Variants in NRDE2 observed in about 807,000 individuals in gnomAD.
The protein encoded by NRDE2 is NRDE-2, necessary for RNA interference, domain containing.
NRDE2 carries 76 observed loss-of-function variants against 124.2 expected under a neutral mutation model. The ratio of observed to expected loss-of-function variants is 0.61; its 90% confidence interval spans 0.51 to 0.74. NRDE2 has a LOEUF of 0.74. Ranked by LOEUF, NRDE2 falls within the 30% of genes least tolerant of loss-of-function variation. The probability of loss-of-function intolerance (pLI) is 0.00; values close to 1 mark genes in which losing one functional copy is unlikely to be tolerated. For synonymous variants in NRDE2, 489 were observed against 528.1 expected, an observed-to-expected ratio of 0.93 and a Z score of 1.01; for missense variants, 1,314 against 1,417.3, an observed-to-expected ratio of 0.93 and a Z score of 1.17.
At chr14:90,312,647 A>G (rs1424259734) in intron 3 of NRDE2, 104 bp from the exon 4 acceptor site, 11 of 1,075,246 alleles carry the variant, frequency 1.0e-5, no homozygotes, top group Non-Finnish European at 1.3e-5. Flanking sequence ...TTCAAACTCC[A>G]CATGGCATCA....
rs1891705368 is a variant in NRDE2, at chr14:90,272,866, T to C, written c.*5470A>G. 6.5e-6 allele frequency: 1 copy of C among 153,134 alleles called. No homozygotes were observed. Among genetic ancestry groups the C allele is most frequent in the South Asian group, 2.0e-4 (1 of 4,942 alleles). 9.5% of individuals were successfully genotyped at this position (153,134 alleles called of 1,614,324 possible). On this transcript the variant is annotated 3_prime_UTR_variant, in exon 14 of 14. Coordinates refer to ENST00000354366, the MANE Select transcript of NRDE2 (RefSeq NM_017970.4). The surrounding 1 kb of genome is among the most constrained non-coding windows in gnomAD (Gnocchi z 4.5). ...TTAAATAATAAAGGCTGCGTTAATG[T>C]GGCTATTGCTTCCAAAGGAAGTACA... is the stretch of plus-strand genomic sequence containing the variant.
rs546445224 is a variant in NRDE2 at position 90,309,108 on chromosome 14, G to A, written c.557+3286C>T. Among the ~76,000 whole-genome samples, 52 of 151,950 alleles carry A rather than the reference G, an allele frequency of 3.4e-4. 1 individual carries two copies. The highest frequency in any genetic ancestry group is 9.7e-4 in the African/African-American group (40 of 41,438). The stretch of plus-strand genomic sequence containing the variant: ...ATACAAAAATACAAAAAAACTAGCC[G>A]GGCATTTACCTTCCCAGAGTCCATG... On this transcript the variant is annotated intron_variant, in intron 4 of 13. Transcript: ENST00000354366.
At chr14:90,295,244 C>T (rs1044957685) in intron 8 of NRDE2, among the ~76,000 whole-genome samples, 3 of 152,110 alleles carry the variant, frequency 2.0e-5, no homozygotes, top group African/African-American at 7.2e-5. Context: ...CTTCTTGTGA[C>T]TCTATACTAT....
chr14:90,294,696 T>A lies in NRDE2; in HGVS notation c.1667-1824A>T, dbSNP rs140651570. Among the ~76,000 whole-genome samples, 406 of 152,184 alleles carry A rather than the reference T, an allele frequency of 2.7e-3. 1 individual carries two copies. Among genetic ancestry groups the A allele is most frequent in the Admixed American group, 6.2e-3 (95 of 15,272 alleles). On this transcript the variant is annotated intron_variant, in intron 8 of 13. Coordinates refer to ENST00000354366, the MANE Select transcript of NRDE2 (RefSeq NM_017970.4). ...CCTGGGGGGAGGGAGAAGTGAGGAA[T>A]TTGTCTTTAATGGGTACAGACTTGG...
intron 8 of NRDE2, among the ~76,000 whole-genome samples, chr14:90,294,726 G>A (rs1892362692): frequency 6.6e-6 from 1 of 152,180 alleles, no homozygotes; most frequent in Non-Finnish European, 1.5e-5. Flanking sequence ...ACTTGGGGAA[G>A]ATGAAAAAGT....
In NRDE2 at chr14:90,268,480, T is replaced by C; in HGVS notation, c.*9856A>G. On this transcript the variant is annotated 3_prime_UTR_variant, in exon 14 of 14. Transcript: ENST00000354366. Reference sequence around the variant, plus strand: ...CACCGCATAGCTCTTCTCTTGAGAATGAGCAATCTCAGGGGGCTCTCCCTA... The same window carrying C: ...CACCGCATAGCTCTTCTCTTGAGAACGAGCAATCTCAGGGGGCTCTCCCTA... 1 of 1,501,580 alleles carries C rather than the reference T, an allele frequency of 6.7e-7. No individual in the cohort carries two copies. The highest frequency in any genetic ancestry group is 9.2e-7 in the Non-Finnish European group (1 of 1,090,154). The allele number at this position is 1,501,580 out of a possible 1,614,324, so 93.0% of individuals were successfully genotyped here.
intron 4 of NRDE2, among the ~76,000 whole-genome samples, chr14:90,304,988 TC>T (rs2139692992): frequency 6.6e-6 from 1 of 152,292 alleles, no homozygotes; most frequent in Admixed American, 6.5e-5. Context: ...CATGTAGGCG[TC>T]CCCAGAGTTA....
In NRDE2 at chr14:90,270,099, CTG is replaced by C; in HGVS notation, c.*8235_*8236del. 1 of 1,294,814 alleles carries C rather than the reference CTG, an allele frequency of 7.7e-7. No individual in the cohort carries two copies. Among genetic ancestry groups the C allele is most frequent in the Non-Finnish European group, 1.1e-6 (1 of 949,280 alleles). The allele number at this position is 1,294,814 out of a possible 1,614,324, so 80.2% of individuals were successfully genotyped here. A position where few individuals can be genotyped will look rare whatever the true frequency, so the allele number is the denominator to read the frequency against. The stretch of plus-strand genomic sequence containing the variant: ...ATCCTTCCCACAGAATTCTGTCCGA[CTG>C]AAACTTCGTATGTAAGGAGATGGGC... On this transcript the variant is annotated 3_prime_UTR_variant, in exon 14 of 14. Transcript: ENST00000354366.
At position 90,289,020 on chromosome 14, in the gene NRDE2, C is replaced by T. The variant is rs1031941633; in HGVS notation, c.2355G>A (p.Gln785=). The change falls in exon 11 of 14, where the codon CAG becomes CAA. Residue 785 remains glutamine, a synonymous_variant. Coordinates refer to ENST00000354366, the MANE Select transcript of NRDE2 (RefSeq NM_017970.4). The stretch of plus-strand genomic sequence containing the variant: ...CAAGCAACCACTCCAGATGTGCATA[C>T]TGCTTCCACAGGCAAAAGTTGTTGC... ...ENCNNFCLWK[Q]YAHLEWLLGN... The T allele has an allele frequency of 1.2e-6, 2 of 1,614,168 alleles. No homozygotes were observed. The highest frequency in any genetic ancestry group is 4.5e-5 in the East Asian group (2 of 44,888).
chr14:90,310,266 G>A (rs1304064410), intron 4 of NRDE2, among the ~76,000 whole-genome samples: 2 of 152,168 alleles, frequency 1.3e-5, no homozygotes, highest in Non-Finnish European at 2.9e-5. Flanking sequence ...TTCTGCATGG[G>A]TGGTGAAAGA....
intron 6 of NRDE2, chr14:90,301,733 A>G: frequency 2.2e-6 from 1 of 455,246 alleles, no homozygotes; most frequent in Non-Finnish European, 4.4e-6. Flanking sequence ...ATCAGAAAGC[A>G]AAGAGCTGTA....
At chr14:90,316,949 C>T in intron 2 of NRDE2, 138 bp from the exon 3 acceptor site, 1 of 635,020 alleles carries the variant, frequency 1.6e-6, no homozygotes, top group Non-Finnish European at 2.7e-6. Context: ...ATATATTACA[C>T]AGTAACTTAC....
chr14:90,285,611 G>A (rs1892082694), intron 12 of NRDE2, among the ~76,000 whole-genome samples: 1 of 151,468 alleles, frequency 6.6e-6, no homozygotes, highest in Middle Eastern at 3.2e-3. Context: ...CGGAAATGTT[G>A]ATTTTAAAAA....
In NRDE2 at chr14:90,298,510, A is replaced by C. The variant is rs1017877962; in HGVS notation, c.1546-130T>G. ...AATCATGTTTGCCATCAGTCTTTGA[A>C]GTAGATACATGCTACACACCCCAAG... On this transcript the variant is annotated intron_variant, in intron 7 of 13. Coordinates refer to ENST00000354366, the MANE Select transcript of NRDE2 (RefSeq NM_017970.4). 7 of 933,420 alleles carry C rather than the reference A, an allele frequency of 7.5e-6. No homozygotes were observed. The African/African-American group carries it at 1.1e-4, about 15-fold the overall frequency. 57.8% of individuals were successfully genotyped at this position (933,420 alleles called of 1,614,324 possible).
At chr14:90,328,530 C>T (rs1885541849) in intron 1 of NRDE2, among the ~76,000 whole-genome samples, 1 of 152,132 alleles carries the variant, frequency 6.6e-6, no homozygotes, top group African/African-American at 2.4e-5. Context: ...GGTTCATGGG[C>T]TGCTTCATAT....
chr14:90,297,525 T>A (rs1286407826), intron 8 of NRDE2, among the ~76,000 whole-genome samples: 1 of 152,166 alleles, frequency 6.6e-6, no homozygotes, highest in Non-Finnish European at 1.5e-5. Context: ...AGAGTGACAG[T>A]TATGTAAATG....
intron 1 of NRDE2, among the ~76,000 whole-genome samples, chr14:90,319,165 C>A (rs972476161): frequency 3.3e-5 from 5 of 152,044 alleles, no homozygotes; most frequent in African/African-American, 1.2e-4. Context: ...AGAAAAAAAA[C>A]ATGGGATGGC....
At chr14:90,302,460 C>A (rs936909295) in intron 6 of NRDE2, among the ~76,000 whole-genome samples, 2 of 152,176 alleles carry the variant, frequency 1.3e-5, no homozygotes, top group African/African-American at 4.8e-5. Flanking sequence ...AGTTAAGAGA[C>A]TTGCCTATGT....
chr14:90,288,890 C>T lies in NRDE2; in HGVS notation c.2485G>A (p.Glu829Lys), dbSNP rs1839470121. The T allele has an allele frequency of 6.2e-7, 1 of 1,614,066 alleles. No homozygotes were observed. The highest frequency in any genetic ancestry group is 1.7e-5 in the Admixed American group (1 of 60,012). The change falls in exon 11 of 14, where the codon GAG becomes AAG. Residue 829 changes from glutamate (E) to lysine (K), a missense_variant. Transcript: ENST00000354366. Reference protein sequence around the residue: ...DLCELSLLYAELEVELSPEVR... With the variant: ...DLCELSLLYAKLEVELSPEVR... ...TCTGGCGACAGCTCCACCTCCAGCT[C>T]AGCATAGAGCAGACTGAGCTCACAG...
Sources: gnomAD v4.1 joint callset for allele counts (sites outside exome capture counted in the v4.1 genomes callset) on GRCh38, gnomAD v4.1.1 for gene constraint, Gnocchi (gnomAD v3.1) non-coding constraint, MANE v1.5 for transcripts, NCBI Gene and HGNC (gene_info 2026-07-23, HGNC 2026-07-21) for gene names.